The following ZNF608 variants were observed in gnomAD, a reference collection of about 807,000 sequenced individuals.
The protein encoded by ZNF608 is zinc finger protein 608.
A neutral mutation model predicts 109.0 loss-of-function variants in ZNF608; 12 were observed. The ratio of observed to expected loss-of-function variants is 0.11; its 90% CI spans 0.07 to 0.18. The LOEUF is 0.18. Ranked by LOEUF, ZNF608 falls within the 10% of genes least tolerant of loss-of-function variation. The pLI, the probability that ZNF608 is intolerant of heterozygous loss-of-function variation, is 1.00. For missense variants in ZNF608, 1,707 were observed against 1,879.3 expected, an observed-to-expected ratio of 0.91 and a Z score of 1.70; for synonymous variants, 732 against 717.4, an observed-to-expected ratio of 1.02 and a Z score of -0.33.
chr5:124,738,986 A>G, intron 2 of ZNF608, among the ~76,000 whole-genome samples: 1 of 152,222 alleles, frequency 6.6e-6, no homozygotes, highest in East Asian at 1.9e-4. Context: ...TTTATGATTT[A>G]AGTGCTTGTG....
At chr5:124,710,982 T>C (rs918165329) in intron 2 of ZNF608, among the ~76,000 whole-genome samples, 3 of 152,248 alleles carry the variant, frequency 2.0e-5, no homozygotes, top group African/African-American at 4.8e-5. Flanking sequence ...TCTCATCTGA[T>C]TGTGTAAACT....
At chr5:124,673,983 C>T (rs1002832222) in intron 3 of ZNF608, among the ~76,000 whole-genome samples, 3 of 152,114 alleles carry the variant, frequency 2.0e-5, no homozygotes, top group Non-Finnish European at 4.4e-5. Context: ...GCAAGTTTCT[C>T]TGCTCAGAGG....
chr5:124,727,453 T>A (rs762770075), intron 2 of ZNF608, among the ~76,000 whole-genome samples: 2 of 152,072 alleles, frequency 1.3e-5, no homozygotes, highest in East Asian at 1.9e-4. Context: ...ATCAATTTCA[T>A]TGGGTATGTT....
intron 3 of ZNF608, among the ~76,000 whole-genome samples, chr5:124,692,241 T>A (rs980219168): frequency 6.6e-6 from 1 of 152,224 alleles, no homozygotes; most frequent in Non-Finnish European, 1.5e-5. Context: ...TTTTCAATTG[T>A]CTAGACCAAA....
intron 3 of ZNF608, among the ~76,000 whole-genome samples, chr5:124,686,067 C>T (rs57524753): frequency 0.018 from 2,744 of 152,180 alleles, 86 homozygotes; most frequent in African/African-American, 0.062. Context: ...AATTCAAATG[C>T]CAAATATAAA....
At chr5:124,710,172 T>C in intron 2 of ZNF608, 1 of 453,334 alleles carries the variant, frequency 2.2e-6, no homozygotes, top group Non-Finnish European at 4.4e-6. Flanking sequence ...TAGAAGTCTC[T>C]CATCCTTATG....
intron 2 of ZNF608, among the ~76,000 whole-genome samples, chr5:124,705,673 A>T (rs1289468887): frequency 6.6e-6 from 1 of 152,216 alleles, no homozygotes; most frequent in Admixed American, 6.5e-5. Flanking sequence ...AAGGGGGCTT[A>T]ACCTTGAGAA....
chr5:124,731,912 G>A (rs766505297), intron 2 of ZNF608, among the ~76,000 whole-genome samples: 12 of 152,130 alleles, frequency 7.9e-5, no homozygotes, highest in Non-Finnish European at 1.2e-4. Flanking sequence ...AATATTAACA[G>A]GAAAGAATCA....
intron 3 of ZNF608, among the ~76,000 whole-genome samples, chr5:124,651,750 G>A (rs1750788044): frequency 6.6e-6 from 1 of 152,252 alleles, no homozygotes; most frequent in South Asian, 2.1e-4. Context: ...GGCGCCCGCT[G>A]CGAGCACTCG....
intron 2 of ZNF608, among the ~76,000 whole-genome samples, chr5:124,702,471 G>C (rs75118621): frequency 6.8e-6 from 1 of 147,412 alleles, no homozygotes; most frequent in African/African-American, 2.5e-5. Flanking sequence ...GGCTGCAGGC[G>C]TAATAGTATA....
At chr5:124,684,758 A>G (rs1752334861) in intron 3 of ZNF608, among the ~76,000 whole-genome samples, 1 of 152,132 alleles carries the variant, frequency 6.6e-6, no homozygotes, top group South Asian at 2.1e-4. Flanking sequence ...AAACCAGTAC[A>G]CTATAGTAAC....
chr5:124,745,351 A>C, intron 1 of ZNF608, 179 bp from the exon 2 acceptor site: 1 of 268,952 alleles, frequency 3.7e-6, no homozygotes, highest in Non-Finnish European at 6.1e-6. Flanking sequence ...CGAAAAATAA[A>C]CCTATGACAG....
At chr5:124,684,672 A>G (rs971123294) in intron 3 of ZNF608, among the ~76,000 whole-genome samples, 2 of 152,222 alleles carry the variant, frequency 1.3e-5, no homozygotes, top group African/African-American at 4.8e-5. Context: ...CGTAGTGGGA[A>G]GTGAGAGTTC....
At chr5:124,700,264 A>G (rs1323830316) in intron 3 of ZNF608, among the ~76,000 whole-genome samples, 1 of 152,216 alleles carries the variant, frequency 6.6e-6, no homozygotes, top group African/African-American at 2.4e-5. Context: ...CATATGAAAC[A>G]CTTCATACCT....
chr5:124,716,857 C>A (rs557616142), intron 2 of ZNF608, among the ~76,000 whole-genome samples: 4 of 152,058 alleles, frequency 2.6e-5, no homozygotes, highest in East Asian at 3.9e-4. Context: ...CCGAGGCAGG[C>A]GAATCACCTG....
chr5:124,686,986 T>C (rs1752435338), intron 3 of ZNF608, among the ~76,000 whole-genome samples: 1 of 152,228 alleles, frequency 6.6e-6, no homozygotes, highest in African/African-American at 2.4e-5. Flanking sequence ...AAATATTTGG[T>C]GAATATCAAA....
At chr5:124,684,761 A>G (rs1217064962) in intron 3 of ZNF608, among the ~76,000 whole-genome samples, 1 of 152,174 alleles carries the variant, frequency 6.6e-6, no homozygotes, top group Non-Finnish European at 1.5e-5. Flanking sequence ...CCAGTACACT[A>G]TAGTAACCTC....
chr5:124,710,160 G>C (rs745647663), intron 2 of ZNF608: 13 of 449,918 alleles, frequency 2.9e-5, no homozygotes, highest in South Asian at 2.1e-4. Context: ...TCAGGGAAAG[G>C]TTAGAAGTCT....
intron 3 of ZNF608, among the ~76,000 whole-genome samples, chr5:124,687,791 T>C (rs1388656581): frequency 6.6e-6 from 1 of 152,188 alleles, no homozygotes; most frequent in Non-Finnish European, 1.5e-5. Flanking sequence ...CAGAAGGGCA[T>C]ATAGGAATGC....
Sources: allele counts gnomAD v4.1 joint callset (sites outside exome capture counted in the v4.1 genomes callset), GRCh38; gene constraint gnomAD v4.1.1; transcripts MANE v1.5; gene names NCBI Gene and HGNC (gene_info 2026-07-23, HGNC 2026-07-21).